PRKN: variants seen among roughly 807,000 people sequenced by gnomAD.
The protein encoded by PRKN is E3 ubiquitin-protein ligase parkin.
PRKN carries 56 observed loss-of-function variants against 59.5 expected under a neutral mutation model. The ratio of observed to expected loss-of-function variants is 0.94; its 90% CI spans 0.76 to 1.18. PRKN has a LOEUF of 1.18. PRKN is among the 50% of genes most tolerant of loss of function. The pLI is 0.00. For synonymous variants in PRKN, 250 were observed against 222.1 expected, an observed-to-expected ratio of 1.13 and a Z score of -1.12; for missense variants, 657 against 596.4, an observed-to-expected ratio of 1.10 and a Z score of -1.06.
chr6:161,421,177 C>G (rs1788088496), intron 9 of PRKN, among the ~76,000 whole-genome samples: 1 of 152,118 alleles, frequency 6.6e-6, no homozygotes, highest in Non-Finnish European at 1.5e-5. Context: ...GCCCATACCC[C>G]ACACCAGGAG....
chr6:161,921,755 T>C (rs956192233), intron 6 of PRKN, among the ~76,000 whole-genome samples: 7 of 152,340 alleles, frequency 4.6e-5, no homozygotes, highest in African/African-American at 1.7e-4. Flanking sequence ...CCTGTAGCTA[T>C]AGGATGGTGA....
At chr6:162,675,673 C>T (rs1212741827) in intron 1 of PRKN, among the ~76,000 whole-genome samples, 2 of 152,134 alleles carry the variant, frequency 1.3e-5, no homozygotes, top group Non-Finnish European at 2.9e-5. Context: ...TACTATGTGT[C>T]TGGATGGGAA....
rs1053116304 is a variant in PRKN, at chr6:161,393,808, G to A, written c.1084-6931C>T. On this transcript the variant is annotated intron_variant, in intron 9 of 11. Transcript: ENST00000366898. This position sits in a 1 kb window ranked among gnomAD's most constrained non-coding sequence, Gnocchi z 4.7. ...TATCATGGCTGCATCTATTATAAAA[G>A]CATTCTATTATGTGCATTTATTTTT... 6.6e-6 allele frequency among the ~76,000 whole-genome samples: 1 copy of A among 151,576 alleles called. No homozygotes were observed. Among genetic ancestry groups the A allele is most frequent in the Non-Finnish European group, 1.5e-5 (1 of 68,012 alleles).
chr6:161,973,622 A>G (rs1780911222), intron 5 of PRKN, among the ~76,000 whole-genome samples: 1 of 152,160 alleles, frequency 6.6e-6, no homozygotes. Context: ...AAGGGCCCTG[A>G]GTCTCTGCTA....
At chr6:161,531,611 T>C (rs760806214) in intron 9 of PRKN, among the ~76,000 whole-genome samples, 16 of 152,098 alleles carry the variant, frequency 1.1e-4, no homozygotes, top group Non-Finnish European at 1.0e-4. Flanking sequence ...ATTTTCTCTT[T>C]AGGGGGCTTG....
intron 9 of PRKN, among the ~76,000 whole-genome samples, chr6:161,535,411 A>C (rs1425358885): frequency 6.6e-6 from 1 of 152,242 alleles, no homozygotes; most frequent in Non-Finnish European, 1.5e-5. Context: ...TCCTGCATGA[A>C]AATATGAAAC....
At position 162,257,746 on chromosome 6, in the gene PRKN, T is replaced by G. The variant is rs565409365; in HGVS notation, c.412+4779A>C. Among the ~76,000 whole-genome samples, 3 of 152,228 alleles carry G rather than the reference T, an allele frequency of 2.0e-5. No individual in the cohort carries two copies. In the East Asian group the frequency reaches 5.8e-4, roughly 29 times the overall value. On this transcript the variant is annotated intron_variant, in intron 3 of 11. Transcript: ENST00000366898. ...GCCTGCAGGTATGGCCCGTTCGCGA[T>G]GTTCTGGGCAGTGCAGCAGTTCTAG... is the stretch of plus-strand genomic sequence containing the variant.
In PRKN at chr6:162,095,482, GATTA is replaced by G. The variant is rs549639283; in HGVS notation, c.535-41312_535-41309del. Among the ~76,000 whole-genome samples, 120 of 152,256 alleles carry G rather than the reference GATTA, an allele frequency of 7.9e-4. No homozygotes were observed. The South Asian group carries it at 0.017, about 21-fold the overall frequency. On this transcript the variant is annotated intron_variant, in intron 4 of 11. Transcript: ENST00000366898. Reference sequence around the variant, plus strand: ...AATGTTTTTATAGTTTACATGGAGAGATTAATTATTTTATTTTTATGTAAAAATT... The same window carrying G: ...AATGTTTTTATAGTTTACATGGAGAGATTATTTTATTTTTATGTAAAAATT...
chr6:161,484,771 C>A lies in PRKN; in HGVS notation c.1083+64083G>T, dbSNP rs549007377. Among the ~76,000 whole-genome samples, 2 of 152,310 alleles carry A rather than the reference C, an allele frequency of 1.3e-5. No individual in the cohort carries two copies. The highest frequency in any genetic ancestry group is 4.2e-4 in the South Asian group (2 of 4,818). The stretch of plus-strand genomic sequence containing the variant: ...CATCCCCCTGTTGTGATGACCAAAA[C>A]TATCTCCAGACATGACCAAATATCC... On this transcript the variant is annotated intron_variant, in intron 9 of 11. Coordinates refer to ENST00000366898, the MANE Select transcript of PRKN (RefSeq NM_004562.3). The surrounding 1 kb of genome is among the most constrained non-coding windows in gnomAD (Gnocchi z 4.9).
At chr6:161,867,127 G>C (rs1013381011) in intron 6 of PRKN, among the ~76,000 whole-genome samples, 17 of 152,280 alleles carry the variant, frequency 1.1e-4, no homozygotes, top group Non-Finnish European at 7.4e-5. Context: ...ATTTTATTTG[G>C]ATCTGTTCTA....
Position 161,662,951 on chromosome 6 carries a change from G to A in PRKN, c.872-93535C>T, listed in dbSNP as rs193254745. Among the ~76,000 whole-genome samples the A allele has an allele frequency of 1.6e-3, 249 of 152,286 alleles. 1 individual carries two copies. The highest frequency in any genetic ancestry group is 5.3e-3 in the African/African-American group (222 of 41,562). Reference sequence around the variant, plus strand: ...GTAGCTCCCATAATCCCCACATGTCGTGGAAGAAATCCGGTAGGAGGTAAG... The same window carrying A: ...GTAGCTCCCATAATCCCCACATGTCATGGAAGAAATCCGGTAGGAGGTAAG... On this transcript the variant is annotated intron_variant, in intron 7 of 11. Coordinates refer to ENST00000366898, the MANE Select transcript of PRKN (RefSeq NM_004562.3).
chr6:162,294,793 G>C (rs1781594234), intron 2 of PRKN, among the ~76,000 whole-genome samples: 1 of 152,050 alleles, frequency 6.6e-6, no homozygotes, highest in South Asian at 2.1e-4. Context: ...ATAGAAAAAA[G>C]AGTAAGAAAA....
chr6:162,523,533 C>T (rs1488925196), intron 1 of PRKN, among the ~76,000 whole-genome samples: 2 of 151,872 alleles, frequency 1.3e-5, no homozygotes, highest in Non-Finnish European at 2.9e-5. Flanking sequence ...GGTGTGGTGG[C>T]GCACACCTGT....
intron 7 of PRKN, among the ~76,000 whole-genome samples, chr6:161,645,006 C>T (rs1284409964): frequency 6.6e-6 from 1 of 152,094 alleles, no homozygotes; most frequent in Non-Finnish European, 1.5e-5. Context: ...TTATAGCCAA[C>T]CCAGGAGTGA....
At chr6:162,614,132 T>C (rs995467106) in intron 1 of PRKN, among the ~76,000 whole-genome samples, 3 of 152,190 alleles carry the variant, frequency 2.0e-5, no homozygotes, top group Non-Finnish European at 2.9e-5. Flanking sequence ...ATTACTTTTG[T>C]CTTCTCCTAT....
chr6:161,664,984 C>T (rs2128166787), intron 7 of PRKN, among the ~76,000 whole-genome samples: 2 of 152,032 alleles, frequency 1.3e-5, no homozygotes, highest in Middle Eastern at 6.8e-3. Context: ...GATGGGGTTT[C>T]ACCATATTGG....
intron 7 of PRKN, among the ~76,000 whole-genome samples, chr6:161,656,017 C>T (rs1055056104): frequency 6.6e-6 from 1 of 152,108 alleles, no homozygotes; most frequent in Non-Finnish European, 1.5e-5. Context: ...CAGAATAAAC[C>T]ACGTTTGTTA....
chr6:161,745,855 A>G (rs911767993), intron 7 of PRKN, among the ~76,000 whole-genome samples: 3 of 152,216 alleles, frequency 2.0e-5, no homozygotes, highest in Admixed American at 6.5e-5. Flanking sequence ...CCTGGTGTGT[A>G]TTCAATTAGG....
intron 2 of PRKN, among the ~76,000 whole-genome samples, chr6:162,269,376 T>G (rs550568634): frequency 6.6e-6 from 1 of 152,256 alleles, no homozygotes; most frequent in South Asian, 2.1e-4. Context: ...GAGGAAACAT[T>G]CCAGATGGCG....
Sources: gnomAD v4.1 joint callset for allele counts (sites outside exome capture counted in the v4.1 genomes callset) on GRCh38, gnomAD v4.1.1 for gene constraint, Gnocchi (gnomAD v3.1) non-coding constraint, MANE v1.5 for transcripts, NCBI Gene and HGNC (gene_info 2026-07-23, HGNC 2026-07-21) for gene names.